INSR: variants seen among roughly 807,000 people sequenced by gnomAD.
INSR encodes the protein IR.
INSR carries 67 observed loss-of-function variants against 142.6 expected under a neutral mutation model. The observed-to-expected ratio is 0.47, with a 90% CI of 0.39 to 0.58. The LOEUF (loss-of-function observed/expected upper bound fraction) is 0.58. INSR is among the 20% of genes least tolerant of loss of function. INSR has a pLI of 0.00. For missense variants in INSR, 1,248 were observed against 1,833.2 expected (o/e 0.68, Z 5.83); for synonymous variants, 756 against 743.1 (o/e 1.02, Z -0.28).
At position 7,225,708 on chromosome 19, in the gene INSR, T is replaced by TC. The variant is rs397958219; in HGVS notation, c.653-41072dup. Among the ~76,000 whole-genome samples, 2 of 64,852 alleles carry TC rather than the reference T, an allele frequency of 3.1e-5. No individual in the cohort carries two copies. The highest frequency in any genetic ancestry group is 6.9e-5 in the Non-Finnish European group (2 of 29,150). 42.5% of individuals were successfully genotyped at this position (64,852 alleles called of 152,430 possible). ...GCTCTTGGTTTCCATTTCCCCCCCC[T>TC]CAAAAAAAGAGCAGAGAATAATTGC... On this transcript the variant is annotated intron_variant, in intron 2 of 21. Transcript: ENST00000302850. The surrounding 1 kb of genome is among the most constrained non-coding windows in gnomAD (Gnocchi z 4.7).
intron 2 of INSR, among the ~76,000 whole-genome samples, chr19:7,252,581 C>G (rs1466219824): frequency 6.6e-6 from 1 of 152,186 alleles, no homozygotes. Flanking sequence ...GGTCAGTAAA[C>G]AACGCCGTGC....
chr19:7,189,300 G>A (rs1045057901), intron 2 of INSR, among the ~76,000 whole-genome samples: 8 of 152,180 alleles, frequency 5.3e-5, no homozygotes, highest in South Asian at 2.1e-4. Flanking sequence ...AAGTCCTTCC[G>A]GCCTAGACAA....
At chr19:7,277,254 C>A (rs1386397693) in intron 1 of INSR, among the ~76,000 whole-genome samples, 2 of 151,928 alleles carry the variant, frequency 1.3e-5, no homozygotes, top group Non-Finnish European at 2.9e-5. Flanking sequence ...TCTACCTCTG[C>A]GAGAAGGAAT....
intron 3 of INSR, among the ~76,000 whole-genome samples, chr19:7,177,499 G>A (rs553255150): frequency 2.6e-5 from 4 of 151,840 alleles, no homozygotes; most frequent in East Asian, 3.9e-4. Flanking sequence ...TTTAATCTTG[G>A]TTAAGTCAAT....
Position 7,124,541 on chromosome 19 carries a change from GAA to G in INSR, c.3258+740_3258+741del, listed in dbSNP as rs531613079. ...ACAACAAAGCGAGACTCCGTTTCAG[GAA>G]AAAAAAAAAAAAAAAAAAAAAAAAA... is the stretch of plus-strand genomic sequence containing the variant. On this transcript the variant is annotated intron_variant, in intron 17 of 21. Transcript: ENST00000302850. 3.0e-4 allele frequency among the ~76,000 whole-genome samples: 3 copies of G among 9,924 alleles called. 1 individual carries two copies. The highest frequency in any genetic ancestry group is 4.2e-4 in the African/African-American group (1 of 2,372). 6.5% of individuals were successfully genotyped at this position (9,924 alleles called of 152,430 possible).
chr19:7,153,127 C>A (rs1435689958), intron 9 of INSR, among the ~76,000 whole-genome samples, 200 bp from the exon 10 acceptor site: 2 of 2,704 alleles, frequency 7.4e-4, no homozygotes, highest in Non-Finnish European at 2.9e-3. Flanking sequence ...CACACACACA[C>A]ACCACACACC....
At position 7,128,965 on chromosome 19, in the gene INSR, A is replaced by G; in HGVS notation, c.2843-11T>C. 1 of 1,564,870 alleles carries G rather than the reference A, an allele frequency of 6.4e-7. No individual in the cohort carries two copies. Among genetic ancestry groups the G allele is most frequent in the African/African-American group, 1.4e-5 (1 of 74,044 alleles). Reference sequence around the variant, plus strand: ...TTGACGGGACGTCTACTGAAATAGAATAAGAAAATATATGTTTCATATCAA... The same window carrying G: ...TTGACGGGACGTCTACTGAAATAGAGTAAGAAAATATATGTTTCATATCAA... On this transcript the variant is annotated splice_polypyrimidine_tract_variant and intron_variant, in intron 14 of 21. Coordinates refer to ENST00000302850, the MANE Select transcript of INSR (RefSeq NM_000208.4).
chr19:7,266,903 TA>T (rs1967749854), intron 2 of INSR, among the ~76,000 whole-genome samples: 1 of 152,144 alleles, frequency 6.6e-6, no homozygotes, highest in Non-Finnish European at 1.5e-5. Context: ...AGATAAGAAC[TA>T]AACTATTTTT....
intron 2 of INSR, among the ~76,000 whole-genome samples, chr19:7,213,590 CCA>C (rs1287417736): frequency 2.0e-5 from 3 of 152,252 alleles, no homozygotes; most frequent in Admixed American, 1.3e-4. Flanking sequence ...TGTCCATAGC[CCA>C]GTGCATGAGC....
intron 2 of INSR, among the ~76,000 whole-genome samples, chr19:7,237,432 G>C (rs1043142907): frequency 6.6e-6 from 1 of 151,948 alleles, no homozygotes; most frequent in Admixed American, 6.6e-5. Context: ...CAGAAGAATC[G>C]CTTGAACCGG....
intron 2 of INSR, among the ~76,000 whole-genome samples, chr19:7,215,515 A>C (rs1295426149): frequency 6.6e-6 from 1 of 151,850 alleles, no homozygotes; most frequent in East Asian, 1.9e-4. Flanking sequence ...AAAGCTTGGA[A>C]ACGCCAGCAG....
At position 7,216,061 on chromosome 19, in the gene INSR, G is replaced by A. The variant is rs376404138; in HGVS notation, c.653-31424C>T. On this transcript the variant is annotated intron_variant, in intron 2 of 21. Transcript: ENST00000302850. The surrounding 1 kb of genome is among the most constrained non-coding windows in gnomAD (Gnocchi z 4.2). ...AAGCAGGCTGGGCACGGTGGCTCAC[G>A]CCTATAATCCCAGCACTTTGGGAGG... 7.9e-5 allele frequency among the ~76,000 whole-genome samples: 12 copies of A among 151,572 alleles called. No homozygotes were observed. The South Asian group carries it at 1.1e-3, about 13-fold the overall frequency.
chr19:7,213,121 G>A (rs1461230974), intron 2 of INSR, among the ~76,000 whole-genome samples: 3 of 151,974 alleles, frequency 2.0e-5, no homozygotes, highest in Admixed American at 1.3e-4. Flanking sequence ...CGAAGTGGGC[G>A]GATCACGAGG....
At position 7,225,919 on chromosome 19, in the gene INSR, G is replaced by A. The variant is rs937527437; in HGVS notation, c.653-41282C>T. On this transcript the variant is annotated intron_variant, in intron 2 of 21. Transcript: ENST00000302850. This position sits in a 1 kb window ranked among gnomAD's most constrained non-coding sequence, Gnocchi z 4.7. ...TGCTAGCACCCTCAGTGCCCAGGAC[G>A]GCCCCACCCCAGAGAACAATCCAGC... 3.3e-5 allele frequency among the ~76,000 whole-genome samples: 5 copies of A among 152,170 alleles called. No individual in the cohort carries two copies. The highest frequency in any genetic ancestry group is 7.4e-5 in the Non-Finnish European group (5 of 68,024).
intron 2 of INSR, among the ~76,000 whole-genome samples, chr19:7,229,760 CTTTTTTTT>C (rs71177180): frequency 2.3e-5 from 2 of 87,500 alleles, no homozygotes; most frequent in African/African-American, 4.6e-5. Flanking sequence ...CATTTACAGT[CTTTTTTTT>C]TTTTTTTTTT....
chr19:7,236,776 C>T (rs1446878539), intron 2 of INSR, among the ~76,000 whole-genome samples: 1 of 152,110 alleles, frequency 6.6e-6, no homozygotes, highest in Non-Finnish European at 1.5e-5. Context: ...CCTGTAATCT[C>T]AACACTTTGG....
At chr19:7,197,873 C>CGT (rs1336904172) in intron 2 of INSR, among the ~76,000 whole-genome samples, 3 of 123,442 alleles carry the variant, frequency 2.4e-5, no homozygotes, top group Non-Finnish European at 1.6e-5. Context: ...AGTGTGTGCG[C>CGT]GTGTGTGTCT....
chr19:7,197,970 G>A (rs1328007294), intron 2 of INSR, among the ~76,000 whole-genome samples: 1 of 149,424 alleles, frequency 6.7e-6, no homozygotes, highest in Non-Finnish European at 1.5e-5. Context: ...GAGTGTGTGT[G>A]TGTCCCCATG....
chr19:7,119,713 C>A lies in INSR; in HGVS notation c.3660-130G>T, dbSNP rs894740567. On this transcript the variant is annotated intron_variant, in intron 20 of 21. Transcript: ENST00000302850. The surrounding 1 kb of genome is among the most constrained non-coding windows in gnomAD (Gnocchi z 5.2). ...ACATGCCAACACATACATGCAAACA[C>A]ACACATGCAAACACACACGCACATA... 5 of 1,038,602 alleles carry A rather than the reference C, an allele frequency of 4.8e-6. No individual in the cohort carries two copies. The highest frequency in any genetic ancestry group is 7.3e-6 in the Non-Finnish European group (5 of 683,130). 64.3% of individuals were successfully genotyped at this position (1,038,602 alleles called of 1,614,324 possible). A position where few individuals can be genotyped will look rare whatever the true frequency, so the allele number is the denominator to read the frequency against.
Sources: allele counts gnomAD v4.1 joint callset (sites outside exome capture counted in the v4.1 genomes callset), GRCh38; gene constraint gnomAD v4.1.1; non-coding constraint Gnocchi (gnomAD v3.1); transcripts MANE v1.5; gene names NCBI Gene and HGNC (gene_info 2026-07-23, HGNC 2026-07-21).